Variants in COL14A1 observed in about 807,000 individuals in gnomAD.
COL14A1 encodes collagen alpha-1(XIV) chain.
Under a neutral mutation model 230.3 loss-of-function variants are expected in COL14A1, and 136 were observed. The ratio of observed to expected loss-of-function variants is 0.59; its 90% CI spans 0.51 to 0.68. COL14A1 has a LOEUF of 0.68. COL14A1 is among the 30% of genes least tolerant of loss of function. The probability of loss-of-function intolerance (pLI) is 0.00; values close to 1 mark genes in which losing one functional copy is unlikely to be tolerated. For missense variants in COL14A1, 1,976 were observed against 2,215.8 expected (o/e 0.89, Z 2.17); for synonymous variants, 792 against 784.1 (o/e 1.01, Z -0.17).
intron 1 of COL14A1, among the ~76,000 whole-genome samples, chr8:120,128,783 G>A (rs549144056): frequency 2.6e-5 from 4 of 152,090 alleles, no homozygotes; most frequent in Admixed American, 2.0e-4. Flanking sequence ...GGCCTTTGTC[G>A]GAGCTACCCT....
At chr8:120,206,355 T>A (rs545348194) in intron 9 of COL14A1, among the ~76,000 whole-genome samples, 1 of 152,254 alleles carries the variant, frequency 6.6e-6, no homozygotes, top group South Asian at 2.1e-4. Context: ...GTTTGTTTGT[T>A]TGTTTGTTTT....
intron 2 of COL14A1, among the ~76,000 whole-genome samples, chr8:120,149,937 AC>A (rs1273492262): frequency 6.6e-6 from 1 of 152,004 alleles, no homozygotes; most frequent in Non-Finnish European, 1.5e-5. Context: ...CAAGTGATCC[AC>A]CCTCCTTGGC....
intron 11 of COL14A1, among the ~76,000 whole-genome samples, chr8:120,209,215 C>T (rs1817542386): frequency 6.6e-6 from 1 of 151,960 alleles, no homozygotes; most frequent in Admixed American, 6.6e-5. Context: ...ACAAAAAATA[C>T]AAAAATTAGC....
At chr8:120,167,417 G>A (rs570157360) in intron 4 of COL14A1, among the ~76,000 whole-genome samples, 1 of 152,180 alleles carries the variant, frequency 6.6e-6, no homozygotes, top group Non-Finnish European at 1.5e-5. Context: ...TTTTATTTGT[G>A]CAGAGACCAC....
At chr8:120,163,075 G>A (rs901614442) in intron 4 of COL14A1, among the ~76,000 whole-genome samples, 1 of 152,170 alleles carries the variant, frequency 6.6e-6, no homozygotes, top group Admixed American at 6.5e-5. Flanking sequence ...CTCCTCTGTA[G>A]GATCCCCAGA....
At chr8:120,228,079 G>C (rs1349357397) in intron 17 of COL14A1, among the ~76,000 whole-genome samples, 1 of 152,104 alleles carries the variant, frequency 6.6e-6, no homozygotes, top group South Asian at 2.1e-4. Context: ...AGACAAAGGG[G>C]CTGAGACTTC....
At chr8:120,189,956 T>G (rs1476636917) in intron 5 of COL14A1, among the ~76,000 whole-genome samples, 1 of 151,420 alleles carries the variant, frequency 6.6e-6, no homozygotes. Context: ...CGTGTGCATG[T>G]GTCTTTATAG....
At chr8:120,275,291 A>G (rs753275999) in intron 26 of COL14A1, among the ~76,000 whole-genome samples, 24 of 151,848 alleles carry the variant, frequency 1.6e-4, no homozygotes, top group Middle Eastern at 3.2e-3. Context: ...GGATAGCCAC[A>G]TGTAGAATGA....
intron 34 of COL14A1, among the ~76,000 whole-genome samples, chr8:120,291,174 A>G (rs1015881850): frequency 6.6e-6 from 1 of 152,214 alleles, no homozygotes; most frequent in Non-Finnish European, 1.5e-5. Context: ...GGAATTTATA[A>G]AAACACAGAA....
At chr8:120,231,094 A>G (rs1246721517) in intron 18 of COL14A1, among the ~76,000 whole-genome samples, 1 of 152,126 alleles carries the variant, frequency 6.6e-6, no homozygotes, top group African/African-American at 2.4e-5. Flanking sequence ...AGTCTGGCCC[A>G]CTGTGCCCAC....
At chr8:120,200,768 A>G (rs1339071858) in intron 8 of COL14A1, among the ~76,000 whole-genome samples, 1 of 77,986 alleles carries the variant, frequency 1.3e-5, no homozygotes, top group Non-Finnish European at 2.8e-5. Flanking sequence ...TATATATATT[A>G]TTTTTCATCA....
intron 33 of COL14A1, among the ~76,000 whole-genome samples, chr8:120,288,023 G>C (rs1221130546): frequency 1.2e-5 from 1 of 82,450 alleles, no homozygotes; most frequent in Non-Finnish European, 2.4e-5. Context: ...CTTTTGTAAA[G>C]CAAAAAAAAA....
intron 12 of COL14A1, among the ~76,000 whole-genome samples, chr8:120,211,385 G>A (rs1817612164): frequency 6.6e-6 from 1 of 152,058 alleles, no homozygotes; most frequent in Non-Finnish European, 1.5e-5. Flanking sequence ...AAAATAACAA[G>A]CTGCAAAAAG....
chr8:120,162,400 T>G, intron 3 of COL14A1, 26 bp from the exon 4 acceptor site: 1 of 1,576,774 alleles, frequency 6.3e-7, no homozygotes, highest in Non-Finnish European at 8.6e-7. Context: ...TTCTTAGAAC[T>G]GATTTATTTT....
chr8:120,144,549 G>T (rs1029998126), intron 1 of COL14A1, among the ~76,000 whole-genome samples: 6 of 152,042 alleles, frequency 3.9e-5, no homozygotes, highest in African/African-American at 1.4e-4. Flanking sequence ...TTAAAAGTTT[G>T]ACATAACATA....
At chr8:120,131,255 G>T (rs927731382) in intron 1 of COL14A1, among the ~76,000 whole-genome samples, 9 of 152,074 alleles carry the variant, frequency 5.9e-5, no homozygotes, top group African/African-American at 2.2e-4. Flanking sequence ...TTACTGAGTT[G>T]AACGGTAGTT....
intron 1 of COL14A1, among the ~76,000 whole-genome samples, chr8:120,125,993 C>T (rs892437988): frequency 6.6e-6 from 1 of 152,188 alleles, no homozygotes; most frequent in African/African-American, 2.4e-5. Flanking sequence ...TGGGATGCTT[C>T]GTGCGTTTTG....
At chr8:120,180,051 T>A (rs1816412914) in intron 5 of COL14A1, among the ~76,000 whole-genome samples, 1 of 152,118 alleles carries the variant, frequency 6.6e-6, no homozygotes, top group Non-Finnish European at 1.5e-5. Flanking sequence ...TAACTCAAGA[T>A]GGGTTAAAGA....
intron 5 of COL14A1, among the ~76,000 whole-genome samples, chr8:120,189,825 T>C (rs1816760031): frequency 6.6e-6 from 1 of 152,184 alleles, no homozygotes; most frequent in Non-Finnish European, 1.5e-5. Flanking sequence ...CATCATGTTT[T>C]ATGGCTGTAT....
Sources: gnomAD v4.1 joint callset for allele counts (sites outside exome capture counted in the v4.1 genomes callset) on GRCh38, gnomAD v4.1.1 for gene constraint, MANE v1.5 for transcripts, NCBI Gene and HGNC (gene_info 2026-07-23, HGNC 2026-07-21) for gene names.